The following ACTL8 variants were observed in gnomAD, a reference collection of about 807,000 sequenced individuals.
ACTL8 encodes the protein actin-like protein 8.
In ACTL8, 3 loss-of-function variants were observed where a neutral mutation model predicts 9.3. The ratio of observed to expected loss-of-function variants is 0.32; its 90% confidence interval spans 0.15 to 0.83. ACTL8 has a LOEUF of 0.83. Among genes scored for constraint, ACTL8 ranks in the 40% least tolerant of loss-of-function variants. The pLI, the probability that ACTL8 is intolerant of heterozygous loss-of-function variation, is 0.57. For synonymous variants in ACTL8, 224 were observed against 205.9 expected (o/e 1.09, Z -0.75); for missense variants, 381 against 492.2 (o/e 0.77, Z 2.14).
chr1:17,763,889 C>T (rs191416248), intron 1 of ACTL8, among the ~76,000 whole-genome samples: 71 of 152,328 alleles, frequency 4.7e-4, no homozygotes, highest in African/African-American at 1.7e-3. Context: ...GATGGAGCTC[C>T]ATGCTTTACC....
intron 1 of ACTL8, among the ~76,000 whole-genome samples, chr1:17,796,326 G>T (rs1486822564): frequency 6.6e-6 from 1 of 151,578 alleles, no homozygotes; most frequent in African/African-American, 2.4e-5. Flanking sequence ...GTGTGTGTGT[G>T]TGTGTGTGTG....
chr1:17,786,554 G>T (rs934869363), intron 1 of ACTL8, among the ~76,000 whole-genome samples: 24 of 152,128 alleles, frequency 1.6e-4, no homozygotes, highest in African/African-American at 5.1e-4. Flanking sequence ...TGTTTTTTGT[G>T]TCTAAATGGC....
chr1:17,775,500 G>C (rs771430923), intron 1 of ACTL8, among the ~76,000 whole-genome samples: 1 of 152,222 alleles, frequency 6.6e-6, no homozygotes, highest in African/African-American at 2.4e-5. Flanking sequence ...AGCCAGGGCT[G>C]TACTGTCAGC....
chr1:17,787,476 C>T lies in ACTL8; in HGVS notation c.-25+31972C>T, dbSNP rs187526245. 5.9e-4 allele frequency among the ~76,000 whole-genome samples: 90 copies of T among 152,098 alleles called. 1 individual carries two copies. The East Asian group carries it at 8.7e-3, about 15-fold the overall frequency. ...TAGAGACAGGGTTTCACCATGTTGG[C>T]CAGGCTGGTCTCCAACTCCCAGCCT... On this transcript the variant is annotated intron_variant, in intron 1 of 2. Coordinates refer to ENST00000375406, the MANE Select transcript of ACTL8 (RefSeq NM_030812.3).
intron 1 of ACTL8, among the ~76,000 whole-genome samples, chr1:17,792,243 C>T (rs2066244915): frequency 6.6e-6 from 1 of 152,152 alleles, no homozygotes; most frequent in Admixed American, 6.5e-5. Context: ...TCCAGTCATC[C>T]CGACTCTGAC....
Position 17,823,495 on chromosome 1 carries a change from C to T in ACTL8, c.348+139C>T. 1 of 807,114 alleles carries T rather than the reference C, an allele frequency of 1.2e-6. No individual in the cohort carries two copies. The highest frequency in any genetic ancestry group is 2.7e-5 in the East Asian group (1 of 37,144). The allele number at this position is 807,114 out of a possible 1,614,324, so 50.0% of individuals were successfully genotyped here. ...TGGTGGCTTATGCCTGTAATCCCAA[C>T]ACTTTGGGACTCCCAGGCAGGCAGA... On this transcript the variant is annotated intron_variant, in intron 2 of 2. Transcript: ENST00000375406. The surrounding 1 kb of genome is among the most constrained non-coding windows in gnomAD (Gnocchi z 5.3).
intron 1 of ACTL8, among the ~76,000 whole-genome samples, chr1:17,783,543 T>A (rs1482101223): frequency 6.6e-6 from 1 of 152,186 alleles, no homozygotes; most frequent in East Asian, 1.9e-4. Flanking sequence ...CGGACTAGAA[T>A]AGAGGAAAAG....
chr1:17,773,933 C>T (rs758939108), intron 1 of ACTL8, among the ~76,000 whole-genome samples: 2 of 152,154 alleles, frequency 1.3e-5, no homozygotes, highest in African/African-American at 4.8e-5. Context: ...ACTAGAGTGA[C>T]GTTTATGTAA....
intron 1 of ACTL8, among the ~76,000 whole-genome samples, chr1:17,780,591 T>C (rs2066147388): frequency 6.6e-6 from 1 of 152,148 alleles, no homozygotes; most frequent in African/African-American, 2.4e-5. Context: ...GTGTTCGAAG[T>C]AATGTAATTT....
At chr1:17,811,057 C>T (rs2066390372) in intron 1 of ACTL8, among the ~76,000 whole-genome samples, 1 of 152,214 alleles carries the variant, frequency 6.6e-6, no homozygotes, top group Non-Finnish European at 1.5e-5. Context: ...AAAAGAAACT[C>T]CTAAACTGTT....
intron 1 of ACTL8, among the ~76,000 whole-genome samples, chr1:17,808,170 G>A (rs1403435399): frequency 6.6e-6 from 1 of 152,092 alleles, no homozygotes; most frequent in Non-Finnish European, 1.5e-5. Flanking sequence ...ATTCATAAGG[G>A]TCCCTGATGG....
At chr1:17,759,933 A>G (rs571886644) in intron 1 of ACTL8, among the ~76,000 whole-genome samples, 19 of 152,168 alleles carry the variant, frequency 1.2e-4, no homozygotes, top group African/African-American at 4.6e-4. Context: ...ACCTCCCATT[A>G]TGGTTAATAA....
intron 1 of ACTL8, among the ~76,000 whole-genome samples, chr1:17,806,223 G>GT (rs1469077917): frequency 6.6e-6 from 1 of 152,202 alleles, no homozygotes; most frequent in Non-Finnish European, 1.5e-5. Context: ...CGACTGGTTA[G>GT]TTTTACATTA....
intron 1 of ACTL8, among the ~76,000 whole-genome samples, chr1:17,797,037 A>G (rs1286430165): frequency 3.3e-5 from 5 of 152,080 alleles, no homozygotes; most frequent in Admixed American, 3.3e-4. Context: ...CACTCCTAGC[A>G]TGGTGCTTCC....
intron 1 of ACTL8, among the ~76,000 whole-genome samples, chr1:17,808,543 C>T (rs1031456317): frequency 2.0e-5 from 3 of 152,184 alleles, no homozygotes; most frequent in Non-Finnish European, 4.4e-5. Flanking sequence ...CTTCTCTAAG[C>T]CTCATTCCTT....
intron 1 of ACTL8, among the ~76,000 whole-genome samples, chr1:17,761,055 G>A (rs2065998406): frequency 6.6e-6 from 1 of 152,106 alleles, no homozygotes. Context: ...CCAGACTGGT[G>A]GGGGTGGGTG....
intron 1 of ACTL8, among the ~76,000 whole-genome samples, chr1:17,805,831 T>C (rs1436972866): frequency 1.3e-5 from 2 of 152,198 alleles, no homozygotes; most frequent in East Asian, 3.8e-4. Context: ...TCAGTAAGTA[T>C]TTGTTGAGAG....
At chr1:17,825,686 A>AT (rs1274814996) in intron 2 of ACTL8, 81 bp from the exon 3 acceptor site, 1 of 1,523,056 alleles carries the variant, frequency 6.6e-7, no homozygotes, top group Admixed American at 1.9e-5. Flanking sequence ...CCCCCCGAGG[A>AT]TGGGGCTCTG....
intron 1 of ACTL8, among the ~76,000 whole-genome samples, chr1:17,814,750 A>G (rs2066415224): frequency 6.6e-6 from 1 of 152,088 alleles, no homozygotes; most frequent in Admixed American, 6.5e-5. Context: ...TACCAACAAA[A>G]CAAGACAATA....
Sources: allele counts gnomAD v4.1 joint callset (sites outside exome capture counted in the v4.1 genomes callset), GRCh38; gene constraint gnomAD v4.1.1; non-coding constraint Gnocchi (gnomAD v3.1); transcripts MANE v1.5; gene names NCBI Gene and HGNC (gene_info 2026-07-23, HGNC 2026-07-21).